Variants in MACROD2 observed in about 807,000 individuals in gnomAD.
MACROD2 encodes ADP-ribose glycohydrolase MACROD2.
MACROD2 carries 36 observed loss-of-function variants against 70.4 expected under a neutral mutation model. The observed-to-expected ratio is 0.51, with a 90% CI of 0.39 to 0.68. MACROD2 has a LOEUF of 0.68. Ranked by LOEUF, MACROD2 falls within the 30% of genes least tolerant of loss-of-function variation. The pLI is 0.00. For synonymous variants in MACROD2, 172 were observed against 178.8 expected (o/e 0.96, Z 0.30); for missense variants, 496 against 538.4 (o/e 0.92, Z 0.78).
At chr20:15,539,003 TA>T (rs1326701663) in intron 8 of MACROD2, among the ~76,000 whole-genome samples, 1 of 152,236 alleles carries the variant, frequency 6.6e-6, no homozygotes, top group Middle Eastern at 3.4e-3. Context: ...GTATAAATTA[TA>T]AATATATATG....
intron 2 of MACROD2, among the ~76,000 whole-genome samples, chr20:14,033,253 T>C (rs1360946236): frequency 3.3e-5 from 5 of 152,218 alleles, no homozygotes; most frequent in Non-Finnish European, 5.9e-5. Flanking sequence ...TATGTAGAAA[T>C]CTTTTTCTAG....
chr20:15,209,431 TG>T (rs1485574327), intron 5 of MACROD2, among the ~76,000 whole-genome samples: 1 of 152,216 alleles, frequency 6.6e-6, no homozygotes, highest in Admixed American at 6.5e-5. Context: ...TACTAGGTCT[TG>T]GTGAGTGCTA....
chr20:14,416,068 C>G (rs992022951), intron 3 of MACROD2, among the ~76,000 whole-genome samples: 1 of 151,814 alleles, frequency 6.6e-6, no homozygotes, highest in South Asian at 2.1e-4. Context: ...AAGTGATTCT[C>G]CTGCCTCAGC....
At chr20:15,613,105 G>A (rs949155894) in intron 8 of MACROD2, among the ~76,000 whole-genome samples, 2 of 152,206 alleles carry the variant, frequency 1.3e-5, no homozygotes, top group Admixed American at 6.5e-5. Context: ...GAATTAAGCT[G>A]CACCTCCTTT....
intron 7 of MACROD2, among the ~76,000 whole-genome samples, chr20:15,494,955 T>TGCCAGTAGAAGCA (rs1442763673): frequency 2.0e-5 from 3 of 152,150 alleles, no homozygotes; most frequent in African/African-American, 7.2e-5. Flanking sequence ...AAGCACAGAA[T>TGCCAGTAGAAGCA]CTGTGTGCAC....
At chr20:14,075,179 G>A (rs1406562840) in intron 2 of MACROD2, among the ~76,000 whole-genome samples, 1 of 152,076 alleles carries the variant, frequency 6.6e-6, no homozygotes, top group Non-Finnish European at 1.5e-5. Context: ...AAAAAAAATC[G>A]TATGTTGAGA....
chr20:15,906,131 G>A (rs1422286604), intron 10 of MACROD2, among the ~76,000 whole-genome samples: 1 of 152,204 alleles, frequency 6.6e-6, no homozygotes, highest in Non-Finnish European at 1.5e-5. Flanking sequence ...GTAGAATGTG[G>A]AGCGAAAGTG....
chr20:14,222,908 A>T (rs1370993602), intron 3 of MACROD2: 1 of 152,100 alleles, frequency 6.6e-6, no homozygotes. Context: ...AAGCCTTTGT[A>T]ATGGGAACAA....
At chr20:14,523,299 C>T (rs1456407635) in intron 4 of MACROD2, 1 of 152,132 alleles carries the variant, frequency 6.6e-6, no homozygotes, top group African/African-American at 2.4e-5. Context: ...TTCTCCACAC[C>T]AAGGGGGAAA....
chr20:15,674,384 G>A (rs750718500), intron 8 of MACROD2, among the ~76,000 whole-genome samples: 3 of 152,074 alleles, frequency 2.0e-5, no homozygotes, highest in African/African-American at 4.8e-5. Context: ...GAGGCAGTGC[G>A]ACAGGGAGCA....
intron 2 of MACROD2, among the ~76,000 whole-genome samples, chr20:14,035,711 CATAAT>C (rs1374579029): frequency 2.0e-5 from 3 of 152,208 alleles, no homozygotes; most frequent in African/African-American, 7.2e-5. Context: ...GGTTCATCAG[CATAAT>C]ATGAGTAAAG....
chr20:14,623,129 A>C (rs556812864), intron 4 of MACROD2: 6 of 152,262 alleles, frequency 3.9e-5, no homozygotes, highest in Admixed American at 3.9e-4. Context: ...CTTAATGCCA[A>C]AGTTCTCTGT....
chr20:14,609,191 G>C (rs1983003351), intron 4 of MACROD2, among the ~76,000 whole-genome samples: 1 of 152,082 alleles, frequency 6.6e-6, no homozygotes, highest in Non-Finnish European at 1.5e-5. Flanking sequence ...TCCAAGAAGT[G>C]AGAGACATTG....
intron 5 of MACROD2, among the ~76,000 whole-genome samples, chr20:14,694,983 G>A (rs977792185): frequency 2.0e-5 from 3 of 152,132 alleles, no homozygotes; most frequent in Admixed American, 2.0e-4. Context: ...AGCAAACGGA[G>A]TATGTCAGAA....
At chr20:14,099,543 T>G (rs1022473238) in intron 3 of MACROD2, among the ~76,000 whole-genome samples, 1 of 152,230 alleles carries the variant, frequency 6.6e-6, no homozygotes, top group Non-Finnish European at 1.5e-5. Context: ...TATTTCATTG[T>G]ATAAATATGT....
intron 4 of MACROD2, among the ~76,000 whole-genome samples, chr20:14,556,537 T>C (rs1979043061): frequency 6.6e-6 from 1 of 152,036 alleles, no homozygotes; most frequent in Non-Finnish European, 1.5e-5. Context: ...CACCAGAAAA[T>C]TTTTGGCAGT....
At chr20:14,075,906 C>G (rs1400816126) in intron 2 of MACROD2, among the ~76,000 whole-genome samples, 1 of 152,206 alleles carries the variant, frequency 6.6e-6, no homozygotes, top group Non-Finnish European at 1.5e-5. Flanking sequence ...TGTTCGATGT[C>G]ACCTCAGTTA....
chr20:15,883,894 T>C (rs1476368926), intron 9 of MACROD2, among the ~76,000 whole-genome samples: 1 of 152,168 alleles, frequency 6.6e-6, no homozygotes, highest in African/African-American at 2.4e-5. Context: ...TGGAGACCGA[T>C]GTTTGAAAGA....
At chr20:15,515,708 A>T (rs1204640793) in intron 8 of MACROD2, among the ~76,000 whole-genome samples, 1 of 152,240 alleles carries the variant, frequency 6.6e-6, no homozygotes, top group African/African-American at 2.4e-5. Context: ...GAGCATGTAT[A>T]AAGCCAGTGT....
Sources: gnomAD v4.1 joint callset for allele counts (sites outside exome capture counted in the v4.1 genomes callset) on GRCh38, gnomAD v4.1.1 for gene constraint, MANE v1.5 for transcripts, NCBI Gene and HGNC (gene_info 2026-07-23, HGNC 2026-07-21) for gene names.